Variants in ONECUT2 observed in about 807,000 individuals in gnomAD.
The protein encoded by ONECUT2 is one cut domain family member 2.
In ONECUT2, 10 loss-of-function variants were observed where a neutral mutation model predicts 27.9. The ratio of observed to expected loss-of-function variants is 0.36; its 90% CI spans 0.22 to 0.61. The LOEUF (loss-of-function observed/expected upper bound fraction) is 0.61, where lower values mean the gene tolerates loss of function less well. ONECUT2 is among the 20% of genes least tolerant of loss of function. ONECUT2 has a pLI of 0.73. For missense variants in ONECUT2, 686 were observed against 721.0 expected (o/e 0.95, Z 0.56); for synonymous variants, 334 against 315.1 (o/e 1.06, Z -0.64).
rs577581057 is a variant in ONECUT2, at chr18:57,449,632, A to G, written c.1228+12688A>G. On this transcript the variant is annotated intron_variant, in intron 1 of 1. Transcript: ENST00000491143. ...TCTAGACTAAGGACCCATTTTGCCA[A>G]TTGGCTCTAGTTACCCCAAAGTAAC... is the stretch of plus-strand genomic sequence containing the variant. Among the ~76,000 whole-genome samples, 15 of 152,332 alleles carry G rather than the reference A, an allele frequency of 9.8e-5. 1 individual carries two copies. Among genetic ancestry groups the G allele is most frequent in the African/African-American group, 3.1e-4 (13 of 41,576 alleles).
At chr18:57,439,703 G>T (rs746927069) in intron 1 of ONECUT2, among the ~76,000 whole-genome samples, 3 of 152,224 alleles carry the variant, frequency 2.0e-5, no homozygotes, top group Non-Finnish European at 2.9e-5. Context: ...GGCCCTCGCC[G>T]TTGGGCCCCG....
Position 57,489,792 on chromosome 18 carries a change from C to A in ONECUT2, c.*13069C>A, listed in dbSNP as rs759447266. The A allele has an allele frequency of 2.6e-5, 4 of 152,058 alleles. No homozygotes were observed. Among genetic ancestry groups the A allele is most frequent in the Non-Finnish European group, 5.9e-5 (4 of 68,028 alleles). The allele number at this position is 152,058 out of a possible 1,614,324, so 9.4% of individuals were successfully genotyped here. A position where few individuals can be genotyped will look rare whatever the true frequency, so the allele number is the denominator to read the frequency against. On this transcript the variant is annotated 3_prime_UTR_variant, in exon 2 of 2. Coordinates refer to ENST00000491143, the MANE Select transcript of ONECUT2 (RefSeq NM_004852.3). Reference sequence around the variant, plus strand: ...CAAGTGGTGCCAGCAAACTTCTTACCGTGAAATGTTGTAAAACACCTGGCA... The same window carrying A: ...CAAGTGGTGCCAGCAAACTTCTTACAGTGAAATGTTGTAAAACACCTGGCA...
intron 1 of ONECUT2, among the ~76,000 whole-genome samples, chr18:57,449,760 A>G (rs1344235955): frequency 1.3e-5 from 2 of 151,984 alleles, no homozygotes; most frequent in African/African-American, 4.8e-5. Flanking sequence ...GGAATTCCTT[A>G]TCTCATCAGT....
chr18:57,462,064 C>A (rs375799990), intron 1 of ONECUT2, among the ~76,000 whole-genome samples: 11 of 152,370 alleles, frequency 7.2e-5, no homozygotes, highest in South Asian at 6.2e-4. Context: ...AGAACTCCCG[C>A]AAGGCTGTGT....
At chr18:57,438,393 G>A (rs2050155630) in intron 1 of ONECUT2, among the ~76,000 whole-genome samples, 1 of 152,242 alleles carries the variant, frequency 6.6e-6, no homozygotes, top group Non-Finnish European at 1.5e-5. Context: ...CGGGTCTTGG[G>A]ATGCGCGCGG....
rs2050137689 is a variant in ONECUT2 at position 57,435,993 on chromosome 18, A to G, written c.277A>G (p.Thr93Ala). Residue 93 changes from threonine to alanine, a missense_variant, in exon 1 of 2, where the codon ACG becomes GCG. This residue lies in a region of ONECUT2 where 511 missense variants were observed against 488.1 expected (regional missense o/e 1.05). Coordinates refer to ENST00000491143, the MANE Select transcript of ONECUT2 (RefSeq NM_004852.3). ...PPPTAHQELG[T>A]AAAAAAAASR... ...TCCAACCGCGCACCAGGAGCTGGGCACGGCGGCAGCGGCGGCAGCGGCGGC... is the reference window on the plus strand; with the variant it reads ...TCCAACCGCGCACCAGGAGCTGGGCGCGGCGGCAGCGGCGGCAGCGGCGGC... The G allele has an allele frequency of 1.3e-6, 2 of 1,507,834 alleles. No individual in the cohort carries two copies. Among genetic ancestry groups the G allele is most frequent in the Middle Eastern group, 2.1e-4 (1 of 4,680 alleles). 93.4% of individuals were successfully genotyped at this position (1,507,834 alleles called of 1,614,324 possible).
At chr18:57,465,692 G>T (rs768812945) in intron 1 of ONECUT2, among the ~76,000 whole-genome samples, 1 of 151,880 alleles carries the variant, frequency 6.6e-6, no homozygotes, top group Non-Finnish European at 1.5e-5. Context: ...TTTTTCAATT[G>T]TCTCTTTTTC....
chr18:57,471,212 T>C (rs2050351569), intron 1 of ONECUT2, among the ~76,000 whole-genome samples: 1 of 152,218 alleles, frequency 6.6e-6, no homozygotes, highest in Non-Finnish European at 1.5e-5. Flanking sequence ...CACATACCTT[T>C]GTGCTGCCCA....
At chr18:57,462,723 C>CTTTTTTTTTTTT (rs57032206) in intron 1 of ONECUT2, among the ~76,000 whole-genome samples, 3 of 68,996 alleles carry the variant, frequency 4.3e-5, no homozygotes, top group East Asian at 4.3e-4. Flanking sequence ...TATTTTCTTT[C>CTTTTTTTTTTTT]TTTTTTTTTT....
intron 1 of ONECUT2, among the ~76,000 whole-genome samples, chr18:57,474,474 T>C (rs1026576268): frequency 6.6e-6 from 1 of 152,178 alleles, no homozygotes; most frequent in Non-Finnish European, 1.5e-5. Flanking sequence ...AGTCTAAGAT[T>C]AAGGTGCCAG....
At chr18:57,458,146 A>G (rs982446278) in intron 1 of ONECUT2, among the ~76,000 whole-genome samples, 9 of 152,238 alleles carry the variant, frequency 5.9e-5, no homozygotes, top group African/African-American at 2.2e-4. Context: ...CTGCCACTCA[A>G]AGAGAACCAC....
chr18:57,444,390 C>T (rs1041896539), intron 1 of ONECUT2: 1 of 456,638 alleles, frequency 2.2e-6, no homozygotes, highest in African/African-American at 2.0e-5. Context: ...GGAGAGGCCA[C>T]AGGCAGCAGC....
intron 1 of ONECUT2, among the ~76,000 whole-genome samples, chr18:57,469,054 G>T (rs1598941941): frequency 6.6e-6 from 1 of 152,134 alleles, no homozygotes; most frequent in African/African-American, 2.4e-5. Flanking sequence ...CAGGGAACAA[G>T]CCCAGAGGTA....
chr18:57,458,794 G>A (rs1015920560), intron 1 of ONECUT2, among the ~76,000 whole-genome samples: 2 of 151,926 alleles, frequency 1.3e-5, no homozygotes, highest in East Asian at 1.9e-4. Flanking sequence ...ATTTTGATAG[G>A]CACTACCACA....
intron 1 of ONECUT2, among the ~76,000 whole-genome samples, chr18:57,470,669 C>T (rs753696149): frequency 2.0e-4 from 31 of 152,100 alleles, no homozygotes; most frequent in Non-Finnish European, 3.2e-4. Flanking sequence ...ACTGCACCTG[C>T]GGAACTGGGT....
At chr18:57,468,957 A>G (rs936731465) in intron 1 of ONECUT2, among the ~76,000 whole-genome samples, 1 of 152,110 alleles carries the variant, frequency 6.6e-6, no homozygotes. Context: ...TTGTCATTCT[A>G]TCAGTACTGA....
intron 1 of ONECUT2, among the ~76,000 whole-genome samples, chr18:57,442,607 C>T (rs918128566): frequency 6.6e-6 from 1 of 152,102 alleles, no homozygotes; most frequent in African/African-American, 2.4e-5. Flanking sequence ...GGTGGTTTCC[C>T]TTTGGTCTGG....
chr18:57,436,292 C>A lies in ONECUT2; in HGVS notation c.576C>A (p.Ser192Arg). 1 of 1,604,182 alleles carries A rather than the reference C, an allele frequency of 6.2e-7. No homozygotes were observed. Among genetic ancestry groups the A allele is most frequent in the Non-Finnish European group, 8.5e-7 (1 of 1,179,496 alleles). The change falls in exon 1 of 2, where the codon AGC becomes AGA. Residue 192 changes from serine to arginine, a missense_variant. Coordinates refer to ENST00000491143, the MANE Select transcript of ONECUT2 (RefSeq NM_004852.3). The surrounding 1 kb of genome is among the most constrained non-coding windows in gnomAD (Gnocchi z 5.9). ...HHHQRLSGNV[S>R]GSFTLMRDER... Reference sequence around the variant, plus strand: ...ACCAGCGCCTGTCCGGCAACGTCAGCGGCAGCTTCACCCTCATGCGCGACG... The same window carrying A: ...ACCAGCGCCTGTCCGGCAACGTCAGAGGCAGCTTCACCCTCATGCGCGACG...
chr18:57,491,254 G>C lies in ONECUT2; in HGVS notation c.*14531G>C, dbSNP rs200354458. 1 of 73,018 alleles carries C rather than the reference G, an allele frequency of 1.4e-5. No homozygotes were observed. Among genetic ancestry groups the C allele is most frequent in the African/African-American group, 2.8e-5 (1 of 35,524 alleles). The allele number at this position is 73,018 out of a possible 1,614,324, so 4.5% of individuals were successfully genotyped here. A position where few individuals can be genotyped will look rare whatever the true frequency, so the allele number is the denominator to read the frequency against. ...ATTCCTATCATTAAATGGTAGTGCT[G>C]TAAATTCTGCAATTAATGTTAAATA... On this transcript the variant is annotated 3_prime_UTR_variant, in exon 2 of 2. Coordinates refer to ENST00000491143, the MANE Select transcript of ONECUT2 (RefSeq NM_004852.3).
Sources: gnomAD v4.1 joint callset for allele counts (sites outside exome capture counted in the v4.1 genomes callset) on GRCh38, gnomAD v4.1.1 for gene constraint, gnomAD v4.1.1 regional missense constraint, Gnocchi (gnomAD v3.1) non-coding constraint, MANE v1.5 for transcripts, NCBI Gene and HGNC (gene_info 2026-07-23, HGNC 2026-07-21) for gene names.